GPD2: variants seen among roughly 807,000 people sequenced by gnomAD.
The protein encoded by GPD2 is glycerol-3-phosphate dehydrogenase, mitochondrial.
In GPD2, 54 loss-of-function variants were observed where a neutral mutation model predicts 82.4. The ratio of observed to expected loss-of-function variants is 0.66; its 90% CI spans 0.53 to 0.82. The LOEUF (loss-of-function observed/expected upper bound fraction) is 0.82, where lower values mean the gene tolerates loss of function less well. GPD2 is among the 40% of genes least tolerant of loss of function. The pLI is 0.00. For synonymous variants in GPD2, 288 were observed against 306.1 expected, an observed-to-expected ratio of 0.94 and a Z score of 0.62; for missense variants, 748 against 896.2, an observed-to-expected ratio of 0.83 and a Z score of 2.11.
intron 6 of GPD2, among the ~76,000 whole-genome samples, chr2:156,543,527 T>G (rs571962041): frequency 6.6e-6 from 1 of 152,324 alleles, no homozygotes; most frequent in African/African-American, 2.4e-5. Flanking sequence ...TGAGTGAATA[T>G]TCCATGCAAG....
At chr2:156,542,835 C>T (rs993210262) in intron 6 of GPD2, among the ~76,000 whole-genome samples, 24 of 152,106 alleles carry the variant, frequency 1.6e-4, no homozygotes, top group African/African-American at 5.3e-4. Context: ...GATTTGTTCT[C>T]CTCTGTTTTT....
intron 6 of GPD2, among the ~76,000 whole-genome samples, chr2:156,524,600 C>T (rs1685537530): frequency 6.6e-6 from 1 of 152,112 alleles, no homozygotes; most frequent in African/African-American, 2.4e-5. Flanking sequence ...CCCATGAGCC[C>T]ACCAGGAGAC....
chr2:156,535,859 G>T (rs569995546), intron 6 of GPD2, among the ~76,000 whole-genome samples: 11 of 152,256 alleles, frequency 7.2e-5, no homozygotes, highest in Admixed American at 2.0e-4. Flanking sequence ...AGAATGCCTG[G>T]TGCATGCTAA....
chr2:156,449,590 A>T (rs1167723125), intron 1 of GPD2, among the ~76,000 whole-genome samples: 8 of 152,194 alleles, frequency 5.3e-5, no homozygotes, highest in African/African-American at 1.9e-4. Context: ...CTCATTGAGA[A>T]TACATGCCAT....
chr2:156,401,910 C>T, the GPD2 span, among the ~76,000 whole-genome samples: 8 of 152,002 alleles, frequency 5.3e-5, no homozygotes, highest in Admixed American at 3.3e-4. Context: ...ATTCTAAATA[C>T]GAGATAAAAG....
intron 2 of GPD2, among the ~76,000 whole-genome samples, chr2:156,493,922 A>ATGTGTGTGTGTGTG (rs1281854521): frequency 1.3e-5 from 1 of 79,098 alleles, no homozygotes; most frequent in African/African-American, 5.0e-5. Flanking sequence ...TGTTATATAT[A>ATGTGTGTGTGTGTG]TGTATGTGTG....
intron 2 of GPD2, among the ~76,000 whole-genome samples, chr2:156,490,640 G>A (rs779295528): frequency 1.3e-5 from 2 of 152,128 alleles, no homozygotes; most frequent in Non-Finnish European, 2.9e-5. Context: ...GAGTGGTATA[G>A]TAGTGTAACA....
chr2:156,550,598 A>G lies in GPD2; in HGVS notation c.827-4A>G, dbSNP rs757371169. 6.2e-7 allele frequency: 1 copy of G among 1,613,974 alleles called. No individual in the cohort carries two copies. Among genetic ancestry groups the G allele is most frequent in the East Asian group, 2.2e-5 (1 of 44,876 alleles). On this transcript the variant is annotated splice_polypyrimidine_tract_variant and splice_region_variant and intron_variant, in intron 7 of 16. Coordinates refer to ENST00000438166, the MANE Select transcript of GPD2 (RefSeq NM_000408.5). ...TGTGTGATTGATGCCACTTTCTTTCACAGGGCAGGAATTTGACGTGAGAGC... is the reference window on the plus strand; with the variant it reads ...TGTGTGATTGATGCCACTTTCTTTCGCAGGGCAGGAATTTGACGTGAGAGC...
chr2:156,577,345 G>A (rs1387174704), intron 13 of GPD2, among the ~76,000 whole-genome samples: 1 of 152,052 alleles, frequency 6.6e-6, no homozygotes, highest in Non-Finnish European at 1.5e-5. Flanking sequence ...TAAAAAATTA[G>A]CCAGGCATAG....
At chr2:156,568,793 T>C in intron 9 of GPD2, 32 bp from the exon 10 acceptor site, 1 of 1,598,646 alleles carries the variant, frequency 6.3e-7, no homozygotes, top group Non-Finnish European at 8.6e-7. Context: ...TTTTGAGCAA[T>C]GTTCATAACC....
upstream of GPD2, among the ~76,000 whole-genome samples, chr2:156,434,693 T>C (rs1183576765): frequency 5.3e-5 from 8 of 152,188 alleles, no homozygotes; most frequent in Non-Finnish European, 1.2e-4. Context: ...TTTTCTTTTC[T>C]CAACTACAAT....
chr2:156,507,386 A>G (rs922950895), intron 3 of GPD2, among the ~76,000 whole-genome samples: 7 of 151,090 alleles, frequency 4.6e-5, no homozygotes, highest in African/African-American at 9.8e-5. Flanking sequence ...CAGCAGTGCA[A>G]TCTTGGCTCA....
intron 6 of GPD2, among the ~76,000 whole-genome samples, chr2:156,525,723 T>G (rs532900954): frequency 1.3e-5 from 2 of 152,222 alleles, no homozygotes. Flanking sequence ...TTATTTCCTA[T>G]AAGTGTGGTT....
chr2:156,470,812 G>A (rs1683303530), intron 1 of GPD2, among the ~76,000 whole-genome samples: 1 of 152,232 alleles, frequency 6.6e-6, no homozygotes, highest in Admixed American at 6.5e-5. Flanking sequence ...CAGATAAGTT[G>A]CAGCAGTCAG....
Position 156,458,709 on chromosome 2 carries a change from G to A in GPD2, c.-8-17389G>A, listed in dbSNP as rs112467052. Among the ~76,000 whole-genome samples the A allele has an allele frequency of 5.9e-5, 9 of 152,292 alleles. 2 individuals carry two copies. The highest frequency in any genetic ancestry group is 2.2e-4 in the African/African-American group (9 of 41,590). ...AAAATCACTCAAGTAATGGTCAGAT[G>A]ATATGGGATTTGGTCAAATGTCAGC... On this transcript the variant is annotated intron_variant, in intron 1 of 16. Coordinates refer to ENST00000438166, the MANE Select transcript of GPD2 (RefSeq NM_000408.5).
At chr2:156,482,139 C>T (rs1352674078) in intron 2 of GPD2, among the ~76,000 whole-genome samples, 1 of 152,180 alleles carries the variant, frequency 6.6e-6, no homozygotes, top group East Asian at 1.9e-4. Context: ...AAGCAAGTTG[C>T]TCTTGTCACT....
chr2:156,424,551 G>T, the GPD2 span, among the ~76,000 whole-genome samples: 1 of 152,166 alleles, frequency 6.6e-6, no homozygotes, highest in Non-Finnish European at 1.5e-5. Flanking sequence ...AGGATAAAGG[G>T]TCAGAGAGCT....
upstream of GPD2, among the ~76,000 whole-genome samples, chr2:156,430,511 C>T (rs1215836545): frequency 6.6e-6 from 1 of 152,162 alleles, no homozygotes; most frequent in Non-Finnish European, 1.5e-5. Context: ...AGAACCAGAC[C>T]ATGGTTGAAG....
intron 9 of GPD2, among the ~76,000 whole-genome samples, chr2:156,560,427 G>A (rs1687125622): frequency 6.6e-6 from 1 of 152,148 alleles, no homozygotes; most frequent in African/African-American, 2.4e-5. Context: ...TCTAAACATT[G>A]CAAACCAGGT....
Sources: gnomAD v4.1 joint callset for allele counts (sites outside exome capture counted in the v4.1 genomes callset) on GRCh38, gnomAD v4.1.1 for gene constraint, MANE v1.5 for transcripts, NCBI Gene and HGNC (gene_info 2026-07-23, HGNC 2026-07-21) for gene names.